MCC: variants seen among roughly 807,000 people sequenced by gnomAD.
The protein encoded by MCC is colorectal mutant cancer protein.
Under a neutral mutation model 116.2 loss-of-function variants are expected in MCC, and 90 were observed. The observed-to-expected ratio is 0.77, with a 90% confidence interval of 0.65 to 0.92. The LOEUF is 0.92. MCC is among the 40% of genes least tolerant of loss of function. MCC has a pLI of 0.00. For synonymous variants in MCC, 578 were observed against 510.5 expected (o/e 1.13, Z -1.78); for missense variants, 1,516 against 1,312.2 (o/e 1.16, Z -2.40).
intron 3 of MCC, chr5:113,234,318 TAA>T (rs1274100919): frequency 6.6e-6 from 1 of 152,146 alleles, no homozygotes; most frequent in African/African-American, 2.4e-5. Context: ...CACATTACTA[TAA>T]GTCTTAAATC....
chr5:113,247,034 T>C lies in MCC; in HGVS notation c.627+93485A>G, dbSNP rs373754146. On this transcript the variant is annotated intron_variant, in intron 3 of 18. Transcript: ENST00000408903. ...CCACTGTTCGGTCCATTTCAGAGTC[T>C]GCTCTTTCACCTTTGTCCTCAAATG... Among the ~76,000 whole-genome samples the C allele has an allele frequency of 1.8e-4, 27 of 152,342 alleles. 4 individuals are homozygous for C. Among genetic ancestry groups the C allele is most frequent in the Admixed American group, 7.2e-4 (11 of 15,304 alleles).
intron 1 of MCC, among the ~76,000 whole-genome samples, chr5:113,467,768 C>T (rs1771957798): frequency 6.6e-6 from 1 of 152,056 alleles, no homozygotes; most frequent in Non-Finnish European, 1.5e-5. Flanking sequence ...TATAAATTAC[C>T]TTGGGCAGTA....
chr5:113,045,673 C>T (rs4428399), intron 16 of MCC, among the ~76,000 whole-genome samples: 72,490 of 151,690 alleles, frequency 0.48, 17,527 homozygotes, highest in African/African-American at 0.53. Flanking sequence ...GTGGCGCACA[C>T]CTGTAGTCCC....
At chr5:113,141,093 A>C (rs1203645135) in intron 5 of MCC, among the ~76,000 whole-genome samples, 3 of 152,182 alleles carry the variant, frequency 2.0e-5, no homozygotes, top group African/African-American at 7.2e-5. Context: ...ATAGAACAAA[A>C]AAGGAAGAGA....
chr5:113,422,219 A>C (rs1274563911), intron 1 of MCC, among the ~76,000 whole-genome samples: 1 of 152,182 alleles, frequency 6.6e-6, no homozygotes, highest in Non-Finnish European at 1.5e-5. Flanking sequence ...ATCACTGAAA[A>C]TCACATCTAG....
intron 3 of MCC, among the ~76,000 whole-genome samples, chr5:113,157,799 G>GT (rs1334280402): frequency 1.3e-5 from 2 of 152,186 alleles, no homozygotes; most frequent in Non-Finnish European, 2.9e-5. Context: ...TATATACACT[G>GT]TTTTTTCCTA....
intron 17 of MCC, among the ~76,000 whole-genome samples, chr5:113,040,233 A>C (rs1271046296): frequency 6.6e-6 from 1 of 152,108 alleles, no homozygotes; most frequent in African/African-American, 2.4e-5. Flanking sequence ...AGTTAGGAGA[A>C]GATACACTGA....
chr5:113,282,540 A>C (rs1766087844), intron 3 of MCC, among the ~76,000 whole-genome samples: 1 of 152,204 alleles, frequency 6.6e-6, no homozygotes, highest in Non-Finnish European at 1.5e-5. Flanking sequence ...AGACAGAGAC[A>C]GAGAGAGGAT....
chr5:113,148,654 G>A (rs941286450), intron 4 of MCC, among the ~76,000 whole-genome samples: 3 of 152,126 alleles, frequency 2.0e-5, no homozygotes, highest in Admixed American at 6.5e-5. Flanking sequence ...CACCAAAAGT[G>A]CAGCACAGTC....
chr5:113,047,669 G>C (rs539575069), intron 16 of MCC, among the ~76,000 whole-genome samples: 2 of 152,072 alleles, frequency 1.3e-5, no homozygotes, highest in Non-Finnish European at 2.9e-5. Flanking sequence ...AACAAATGGG[G>C]GTCAAGAGAA....
chr5:113,339,880 G>C (rs181190721), intron 3 of MCC, among the ~76,000 whole-genome samples: 81 of 152,332 alleles, frequency 5.3e-4, no homozygotes, highest in Non-Finnish European at 1.0e-3. Flanking sequence ...TTCCCACAGT[G>C]GCTGCATAGC....
At chr5:113,067,220 G>A (rs549840928) in intron 13 of MCC, among the ~76,000 whole-genome samples, 13 of 152,282 alleles carry the variant, frequency 8.5e-5, no homozygotes, top group East Asian at 7.7e-4. Context: ...CAGGATCCCC[G>A]GGCTGGGGGA....
At chr5:113,161,129 C>T (rs964100766) in intron 3 of MCC, among the ~76,000 whole-genome samples, 4 of 151,926 alleles carry the variant, frequency 2.6e-5, no homozygotes, top group Non-Finnish European at 4.4e-5. Context: ...TCAAGGGAAA[C>T]GAAAATTATG....
intron 1 of MCC, among the ~76,000 whole-genome samples, chr5:113,443,254 T>C (rs542992199): frequency 6.6e-6 from 1 of 152,282 alleles, no homozygotes; most frequent in African/African-American, 2.4e-5. Context: ...ATTCTCTTAG[T>C]AGCAATTGTG....
chr5:113,438,754 T>C (rs1344813230), intron 1 of MCC, among the ~76,000 whole-genome samples: 1 of 152,232 alleles, frequency 6.6e-6, no homozygotes, highest in Non-Finnish European at 1.5e-5. Context: ...ACAGGGAAGC[T>C]AAAAACACTA....
intron 12 of MCC, among the ~76,000 whole-genome samples, chr5:113,068,864 C>T (rs1476612722): frequency 6.6e-6 from 1 of 152,190 alleles, no homozygotes; most frequent in Non-Finnish European, 1.5e-5. Context: ...ACCAGAATCT[C>T]ACAAGAGACC....
intron 1 of MCC, among the ~76,000 whole-genome samples, chr5:113,456,481 G>C (rs10078576): frequency 0.1 from 15,819 of 151,692 alleles, 1,363 homozygotes; most frequent in African/African-American, 0.23. Context: ...TTTTGAGACA[G>C]AGCCTCGCTC....
At chr5:113,230,024 T>C (rs1003222012) in intron 3 of MCC, among the ~76,000 whole-genome samples, 2 of 152,260 alleles carry the variant, frequency 1.3e-5, no homozygotes, top group African/African-American at 2.4e-5. Context: ...CTAGCTAATG[T>C]GTAGTCAAAG....
chr5:113,038,083 A>T (rs1214460253), intron 17 of MCC, among the ~76,000 whole-genome samples: 2 of 152,114 alleles, frequency 1.3e-5, no homozygotes, highest in African/African-American at 4.8e-5. Context: ...AATGGAAGGG[A>T]TTTTAAGGAA....
Sources: gnomAD v4.1 joint callset for allele counts (sites outside exome capture counted in the v4.1 genomes callset) on GRCh38, gnomAD v4.1.1 for gene constraint, MANE v1.5 for transcripts, NCBI Gene and HGNC (gene_info 2026-07-23, HGNC 2026-07-21) for gene names.